Variants in MAP3K7 observed in about 807,000 individuals in gnomAD.
MAP3K7 encodes mitogen-activated protein kinase kinase kinase 7, also known as TGF-beta activated kinase 1.
MAP3K7 carries 21 observed loss-of-function variants against 84.8 expected under a neutral mutation model. The observed-to-expected ratio is 0.25, with a 90% CI of 0.18 to 0.36. MAP3K7 has a LOEUF of 0.36. Ranked by LOEUF, MAP3K7 falls within the 10% of genes least tolerant of loss-of-function variation. The probability of loss-of-function intolerance (pLI) is 1.00; values close to 1 mark genes in which losing one functional copy is unlikely to be tolerated. For synonymous variants in MAP3K7, 241 were observed against 247.7 expected (o/e 0.97, Z 0.25); for missense variants, 503 against 747.7 (o/e 0.67, Z 3.82).
At chr6:90,555,267 T>A (rs1776297786) in intron 6 of MAP3K7, among the ~76,000 whole-genome samples, 1 of 152,164 alleles carries the variant, frequency 6.6e-6, no homozygotes, top group Non-Finnish European at 1.5e-5. Context: ...CATTCTTTTT[T>A]TTTTTTGAGA....
chr6:90,570,381 T>A (rs1003021165), intron 2 of MAP3K7, among the ~76,000 whole-genome samples: 1 of 152,174 alleles, frequency 6.6e-6, no homozygotes, highest in East Asian at 1.9e-4. Context: ...ATGAGGTACC[T>A]ATGCAAATGA....
chr6:90,548,551 A>C (rs769577785), intron 9 of MAP3K7, among the ~76,000 whole-genome samples: 6 of 152,104 alleles, frequency 3.9e-5, no homozygotes, highest in Non-Finnish European at 5.9e-5. Context: ...ATGTAAAGGA[A>C]ATAGTTGGAT....
At chr6:90,572,838 AG>A (rs1776951208) in intron 1 of MAP3K7, among the ~76,000 whole-genome samples, 1 of 152,328 alleles carries the variant, frequency 6.6e-6, no homozygotes, top group Admixed American at 6.5e-5. Context: ...ATATAAAAAA[AG>A]AAAACAAAAA....
intron 5 of MAP3K7, among the ~76,000 whole-genome samples, chr6:90,559,609 T>A (rs1286544202): frequency 2.6e-5 from 4 of 152,214 alleles, no homozygotes; most frequent in Middle Eastern, 3.2e-3. Flanking sequence ...GAATCCAGAA[T>A]ATTTTCAATT....
chr6:90,570,162 T>C (rs1776853226), intron 2 of MAP3K7, among the ~76,000 whole-genome samples: 1 of 152,168 alleles, frequency 6.6e-6, no homozygotes, highest in Non-Finnish European at 1.5e-5. Context: ...GGTAAAGATT[T>C]GAAAAATTTT....
intron 1 of MAP3K7, among the ~76,000 whole-genome samples, chr6:90,586,106 C>T (rs1265502906): frequency 6.6e-6 from 1 of 152,114 alleles, no homozygotes; most frequent in African/African-American, 2.4e-5. Context: ...GGCCCGGTGG[C>T]TCACGCCTGT....
In MAP3K7 at chr6:90,550,448, C is replaced by T; in HGVS notation, c.949+20G>A. The stretch of plus-strand genomic sequence containing the variant: ...ATGAAAGAAAAATCAAGTCAATACT[C>T]TTCCAATCTATCCATTTACCTGTAC... On this transcript the variant is annotated intron_variant, in intron 9 of 16. Coordinates refer to ENST00000369329, the MANE Select transcript of MAP3K7 (RefSeq NM_145331.3). 6.6e-7 allele frequency: 1 copy of T among 1,525,190 alleles called. No homozygotes were observed. Among genetic ancestry groups the T allele is most frequent in the Non-Finnish European group, 9.0e-7 (1 of 1,105,372 alleles). 94.5% of individuals were successfully genotyped at this position (1,525,190 alleles called of 1,614,324 possible).
chr6:90,563,720 C>T (rs1255540139), intron 3 of MAP3K7, among the ~76,000 whole-genome samples: 1 of 152,108 alleles, frequency 6.6e-6, no homozygotes, highest in African/African-American at 2.4e-5. Flanking sequence ...ACAGAGAACG[C>T]CACAAAGATA....
chr6:90,538,284 ACCT>A (rs1201209355), intron 12 of MAP3K7, among the ~76,000 whole-genome samples: 1 of 151,930 alleles, frequency 6.6e-6, no homozygotes, highest in African/African-American at 2.4e-5. Context: ...AGAAAAATCA[ACCT>A]CCTATTACTT....
Position 90,523,746 on chromosome 6 carries a change from A to C in MAP3K7, c.1394T>G (p.Ile465Ser). 6.2e-7 allele frequency: 1 copy of C among 1,613,246 alleles called. No homozygotes were observed. The highest frequency in any genetic ancestry group is 8.5e-7 in the Non-Finnish European group (1 of 1,179,428). The stretch of plus-strand genomic sequence containing the variant: ...TTCTGAGGTTGGTCCTGAGGTAGTA[A>C]TCATTCTGACACTGGGACTGGATGA... Reference protein sequence around the residue: ...SRSSSPSVRMITTSGPTSEKP... With the variant: ...SRSSSPSVRMSTTSGPTSEKP... Residue 465 changes from isoleucine (I) to serine (S), a missense_variant, in exon 14 of 17, where the codon ATT becomes AGT. Ile to Ser is a moderately radical substitution (Grantham distance 142, BLOSUM62 -2). This residue lies in a region of MAP3K7 where 286 missense variants were observed against 313.6 expected (regional missense o/e 0.91). Transcript: ENST00000369329.
intron 13 of MAP3K7, among the ~76,000 whole-genome samples, chr6:90,532,998 G>A (rs923201444): frequency 3.3e-5 from 5 of 152,118 alleles, no homozygotes; most frequent in African/African-American, 9.7e-5. Context: ...TCAAAACCTG[G>A]TTATAGGAAT....
intron 1 of MAP3K7, among the ~76,000 whole-genome samples, chr6:90,586,332 A>T (rs1777450972): frequency 7.2e-6 from 1 of 139,682 alleles, no homozygotes; most frequent in Admixed American, 7.7e-5. Context: ...AGATTGCGCC[A>T]CTGCAGTCCG....
In MAP3K7 at chr6:90,553,459, A is replaced by G; in HGVS notation, c.735T>C (p.Asn245=). The G allele has an allele frequency of 6.2e-7, 1 of 1,612,232 alleles. No homozygotes were observed. The highest frequency in any genetic ancestry group is 8.5e-7 in the Non-Finnish European group (1 of 1,179,508). Residue 245 remains asparagine (N), a splice_region_variant and synonymous_variant, in exon 7 of 17, where the codon AAT becomes AAC. Transcript: ENST00000369329. ...PAFRIMWAVH[N]GTRPPLIKNL... ...TAAGAAAAATTTCTTTTTACGAACC[A>G]TTATGAACAGCCCACATGATTCGGA...
At chr6:90,551,540 G>C (rs1409182236) in intron 8 of MAP3K7, 1 of 152,044 alleles carries the variant, frequency 6.6e-6, no homozygotes, top group Non-Finnish European at 1.5e-5. Flanking sequence ...TTTTTACTGG[G>C]ATATAAAAAC....
intron 12 of MAP3K7, among the ~76,000 whole-genome samples, chr6:90,540,913 G>A (rs536429987): frequency 6.6e-6 from 1 of 151,984 alleles, no homozygotes; most frequent in East Asian, 1.9e-4. Flanking sequence ...AACATCAGAT[G>A]AACTGCATTA....
At position 90,553,320 on chromosome 6, in the gene MAP3K7, T is replaced by C. The variant is rs1189583022; in HGVS notation, c.736+138A>G. ...GCAGGGACAGGGCAGAGTCTGATAA[T>C]AGCAAAGCAGTCTCTTAACAAAGAA... On this transcript the variant is annotated intron_variant, in intron 7 of 16. Transcript: ENST00000369329. The C allele has an allele frequency of 1.5e-5, 13 of 867,836 alleles. No homozygotes were observed. In the Admixed American group the frequency reaches 2.5e-4, roughly 17 times the overall value. 53.8% of individuals were successfully genotyped at this position (867,836 alleles called of 1,614,324 possible).
intron 12 of MAP3K7, among the ~76,000 whole-genome samples, chr6:90,537,822 C>T (rs1198946392): frequency 6.6e-6 from 1 of 151,938 alleles, no homozygotes; most frequent in Non-Finnish European, 1.5e-5. Context: ...ATTTTAGGCA[C>T]ATTTCATTCA....
At chr6:90,566,984 T>C (rs1776729052) in intron 3 of MAP3K7, among the ~76,000 whole-genome samples, 1 of 152,134 alleles carries the variant, frequency 6.6e-6, no homozygotes, top group Non-Finnish European at 1.5e-5. Flanking sequence ...ATTTAATAAA[T>C]GGTGCTGGGA....
At chr6:90,576,897 T>G (rs1259415307) in intron 1 of MAP3K7, among the ~76,000 whole-genome samples, 2 of 152,116 alleles carry the variant, frequency 1.3e-5, no homozygotes, top group Admixed American at 1.3e-4. Context: ...AGAGGTTGGA[T>G]CCTGAACGGC....
Sources: allele counts gnomAD v4.1 joint callset (sites outside exome capture counted in the v4.1 genomes callset), GRCh38; gene constraint gnomAD v4.1.1; regional missense constraint gnomAD v4.1.1; transcripts MANE v1.5; gene names NCBI Gene and HGNC (gene_info 2026-07-23, HGNC 2026-07-21).